VAV3: variants seen among roughly 807,000 people sequenced by gnomAD.
VAV3 encodes the protein vav guanine nucleotide exchange factor 3, also known as guanine nucleotide exchange factor VAV3.
In VAV3, 94 loss-of-function variants were observed where a neutral mutation model predicts 131.2. The observed-to-expected ratio is 0.72, with a 90% CI of 0.61 to 0.85. The LOEUF (loss-of-function observed/expected upper bound fraction) is 0.85, where lower values mean the gene tolerates loss of function less well. Ranked by LOEUF, VAV3 falls within the 40% of genes least tolerant of loss-of-function variation. The probability of loss-of-function intolerance (pLI) is 0.00; values close to 1 mark genes in which losing one functional copy is unlikely to be tolerated. For synonymous variants in VAV3, 349 were observed against 342.0 expected (o/e 1.02, Z -0.22); for missense variants, 939 against 1,002.7 (o/e 0.94, Z 0.86).
intron 7 of VAV3, among the ~76,000 whole-genome samples, chr1:107,767,718 G>T (rs928939103): frequency 6.6e-6 from 1 of 152,130 alleles, no homozygotes; most frequent in Admixed American, 6.6e-5. Context: ...TGCGTGCATG[G>T]GGGTGGGGAT....
At chr1:107,813,966 C>CTGTGTGTG (rs1557862656) in intron 2 of VAV3, among the ~76,000 whole-genome samples, 17 of 85,806 alleles carry the variant, frequency 2.0e-4, no homozygotes, top group African/African-American at 5.5e-4. Flanking sequence ...AATAGTACTC[C>CTGTGTGTG]AGTGTGTGTG....
chr1:107,681,889 T>A (rs1337817926), intron 19 of VAV3, among the ~76,000 whole-genome samples: 1 of 152,114 alleles, frequency 6.6e-6, no homozygotes, highest in Non-Finnish European at 1.5e-5. Flanking sequence ...CTCCATCTCC[T>A]GACCTCGTGA....
chr1:107,657,999 T>A (rs1656704228), intron 19 of VAV3, among the ~76,000 whole-genome samples: 2 of 152,234 alleles, frequency 1.3e-5, no homozygotes, highest in Non-Finnish European at 2.9e-5. Context: ...AGAATTTATA[T>A]GAGGATGTAA....
Position 107,818,662 on chromosome 1 carries a change from A to G in VAV3, c.322-39170T>C, listed in dbSNP as rs574683207. ...AAGCTGGATTTTGTCATTTATGTAA[A>G]TAATAACACATGAATGTAAAACACA... is the stretch of plus-strand genomic sequence containing the variant. On this transcript the variant is annotated intron_variant, in intron 2 of 26. Coordinates refer to ENST00000370056, the MANE Select transcript of VAV3 (RefSeq NM_006113.5). Among the ~76,000 whole-genome samples, 7 of 152,348 alleles carry G rather than the reference A, an allele frequency of 4.6e-5. No individual in the cohort carries two copies. The South Asian group carries it at 1.4e-3, about 32-fold the overall frequency.
intron 2 of VAV3, among the ~76,000 whole-genome samples, chr1:107,860,986 G>A (rs1363882666): frequency 1.3e-5 from 2 of 151,624 alleles, no homozygotes; most frequent in African/African-American, 4.8e-5. Context: ...AAAACCAATG[G>A]AAGAAAATTT....
intron 2 of VAV3, among the ~76,000 whole-genome samples, chr1:107,795,462 A>G (rs977385286): frequency 3.3e-5 from 5 of 152,128 alleles, no homozygotes; most frequent in South Asian, 2.1e-4. Context: ...TTGTAATACA[A>G]TGTTTCTGTT....
chr1:107,695,310 TAAGA>T (rs1441309018), intron 17 of VAV3, among the ~76,000 whole-genome samples: 1 of 152,220 alleles, frequency 6.6e-6, no homozygotes, highest in African/African-American at 2.4e-5. Context: ...ATAAATTATG[TAAGA>T]ATAAGATTAA....
rs1570628084 is a variant in VAV3 at position 107,621,268 on chromosome 1, G to A, written c.1915-3636C>T. On this transcript the variant is annotated intron_variant, in intron 20 of 26. Transcript: ENST00000370056. ...CATTCTGTAGATGACAGAGAGGTGA[G>A]AGATAATTTAACCTATTTTAACGTA... Among the ~76,000 whole-genome samples, 3 of 152,138 alleles carry A rather than the reference G, an allele frequency of 2.0e-5. No homozygotes were observed. The East Asian group carries it at 5.8e-4, about 29-fold the overall frequency.
At chr1:107,604,885 T>C (rs1652149179) in intron 22 of VAV3, among the ~76,000 whole-genome samples, 1 of 152,202 alleles carries the variant, frequency 6.6e-6, no homozygotes, top group South Asian at 2.1e-4. Flanking sequence ...ACCTATTTTT[T>C]ATTTCTACTT....
chr1:107,700,771 G>GT (rs1243982154), intron 17 of VAV3, among the ~76,000 whole-genome samples: 1 of 152,190 alleles, frequency 6.6e-6, no homozygotes, highest in South Asian at 2.1e-4. Flanking sequence ...ACGCATGCAT[G>GT]TATCTTTATA....
intron 1 of VAV3, among the ~76,000 whole-genome samples, chr1:107,947,544 T>A (rs1004793514): frequency 3.3e-5 from 5 of 152,178 alleles, no homozygotes; most frequent in African/African-American, 1.2e-4. Context: ...TGAGTTCACT[T>A]ACTCTTCACA....
intron 2 of VAV3, among the ~76,000 whole-genome samples, chr1:107,783,911 T>G (rs1242047649): frequency 7.6e-6 from 1 of 131,832 alleles, no homozygotes; most frequent in African/African-American, 2.9e-5. Context: ...AAAAAAAAAA[T>G]TAGCCAGGCA....
At chr1:107,662,213 C>T (rs548876904) in intron 19 of VAV3, among the ~76,000 whole-genome samples, 4 of 152,098 alleles carry the variant, frequency 2.6e-5, no homozygotes, top group African/African-American at 4.8e-5. Flanking sequence ...TATCCCCACA[C>T]GACATGAATA....
chr1:107,822,929 GA>G, intron 2 of VAV3, among the ~76,000 whole-genome samples: 1 of 152,160 alleles, frequency 6.6e-6, no homozygotes, highest in African/African-American at 2.4e-5. Flanking sequence ...ATTCTCAAAG[GA>G]AGAGACAAAA....
chr1:107,709,606 G>A (rs1457863257), intron 15 of VAV3, among the ~76,000 whole-genome samples: 1 of 152,134 alleles, frequency 6.6e-6, no homozygotes, highest in African/African-American at 2.4e-5. Flanking sequence ...TTATCTTGTA[G>A]TTCCAATAAT....
chr1:107,612,366 T>C (rs1652818559), intron 21 of VAV3, among the ~76,000 whole-genome samples: 1 of 152,096 alleles, frequency 6.6e-6, no homozygotes, highest in Non-Finnish European at 1.5e-5. Flanking sequence ...TCACAACTTT[T>C]AACATATTCT....
Position 107,609,911 on chromosome 1 carries a change from T to G in VAV3, c.2015+20A>C. On this transcript the variant is annotated intron_variant, in intron 22 of 26. Transcript: ENST00000370056. ...GGTATGGTATTTCAACCTAGCTACA[T>G]AAACATTTTTAATACTTACCAGGGT... 6.2e-7 allele frequency: 1 copy of G among 1,611,068 alleles called. No homozygotes were observed. The highest frequency in any genetic ancestry group is 1.1e-5 in the South Asian group (1 of 90,748).
At chr1:107,673,330 G>T (rs746644803) in intron 19 of VAV3, among the ~76,000 whole-genome samples, 20 of 152,098 alleles carry the variant, frequency 1.3e-4, no homozygotes, top group Non-Finnish European at 2.2e-4. Flanking sequence ...CCAAGATCCT[G>T]CCTTGGTTTT....
chr1:107,705,409 T>C (rs1233488345), intron 15 of VAV3, among the ~76,000 whole-genome samples: 1 of 151,068 alleles, frequency 6.6e-6, no homozygotes, highest in East Asian at 1.9e-4. Flanking sequence ...GTTCCTTGTC[T>C]GTAGCCACGC....
Sources: gnomAD v4.1 joint callset for allele counts (sites outside exome capture counted in the v4.1 genomes callset) on GRCh38, gnomAD v4.1.1 for gene constraint, MANE v1.5 for transcripts, NCBI Gene and HGNC (gene_info 2026-07-23, HGNC 2026-07-21) for gene names.